USP47: variants seen among roughly 807,000 people sequenced by gnomAD.
USP47 encodes the protein ubiquitin specific peptidase 47.
Under a neutral mutation model 165.1 loss-of-function variants are expected in USP47, and 35 were observed. The ratio of observed to expected loss-of-function variants is 0.21; its 90% confidence interval spans 0.16 to 0.28. USP47 has a LOEUF of 0.28. Ranked by LOEUF, USP47 falls within the 10% of genes least tolerant of loss-of-function variation. The probability of loss-of-function intolerance (pLI) is 1.00; values close to 1 mark genes in which losing one functional copy is unlikely to be tolerated. For missense variants in USP47, 1,277 were observed against 1,607.4 expected, an observed-to-expected ratio of 0.79 and a Z score of 3.52; for synonymous variants, 531 against 544.5, an observed-to-expected ratio of 0.98 and a Z score of 0.35.
intron 17 of USP47, 32 bp downstream of exon 17, chr11:11,936,542 T>C: frequency 6.8e-7 from 1 of 1,474,160 alleles, no homozygotes; most frequent in Non-Finnish European, 9.1e-7. Flanking sequence ...TTAGTTGTTC[T>C]GTACTTAGAA....
chr11:11,919,999 T>A (rs1051802841), intron 8 of USP47, among the ~76,000 whole-genome samples, 157 bp from the exon 9 acceptor site: 4 of 151,828 alleles, frequency 2.6e-5, no homozygotes, highest in Non-Finnish European at 5.9e-5. Flanking sequence ...AGTGATAATA[T>A]TATTTTACTG....
intron 13 of USP47, 87 bp from the exon 14 acceptor site, chr11:11,930,609 A>C: frequency 9.7e-7 from 1 of 1,035,690 alleles, no homozygotes. Context: ...TTTTTTAAAA[A>C]ATCACAATTT....
chr11:11,854,011 TG>T (rs1848878645), intron 1 of USP47, among the ~76,000 whole-genome samples: 1 of 151,168 alleles, frequency 6.6e-6, no homozygotes, highest in East Asian at 2.0e-4. Flanking sequence ...GGTGGGCGCC[TG>T]TAGTCCCAGC....
intron 1 of USP47, among the ~76,000 whole-genome samples, chr11:11,868,859 G>T (rs1416665017): frequency 6.6e-6 from 1 of 151,448 alleles, no homozygotes; most frequent in Non-Finnish European, 1.5e-5. Context: ...GTATTAATTT[G>T]CATTTATCTA....
rs1356152273 is a variant in USP47, at chr11:11,905,520, A to T, written c.941A>T (p.Tyr314Phe). 1 of 1,608,258 alleles carries T rather than the reference A, an allele frequency of 6.2e-7. No individual in the cohort carries two copies. The highest frequency in any genetic ancestry group is 8.5e-7 in the Non-Finnish European group (1 of 1,176,094). ...GATATTCCATTGGTCATCCGACCTT[A>T]TGGGTCCAGCCAAGCATTTGCTAGT... ...YLDIPLVIRP[Y>F]GSSQAFASVE... The change falls in exon 8 of 28, where the codon TAT becomes TTT. Residue 314 changes from tyrosine (Y) to phenylalanine (F), a missense_variant. Tyr to Phe is a conservative substitution (Grantham distance 22, BLOSUM62 3). Around this residue, in one of 4 missense-constraint regions of USP47, gnomAD observed 175 missense variants for 295.8 expected, o/e 0.59. Transcript: ENST00000527733.
intron 25 of USP47, among the ~76,000 whole-genome samples, chr11:11,954,669 C>CAT (rs75753134): frequency 0.017 from 2,566 of 152,178 alleles, 34 homozygotes; most frequent in Middle Eastern, 0.034. Flanking sequence ...GTTTTAGAAA[C>CAT]GTGGGTGTAG....
chr11:11,868,320 C>T (rs747069300), intron 1 of USP47, among the ~76,000 whole-genome samples: 22 of 152,132 alleles, frequency 1.4e-4, no homozygotes, highest in Non-Finnish European at 1.2e-4. Flanking sequence ...TAATCCCTGG[C>T]GATCACTAAT....
Position 11,961,874 on chromosome 11 carries a change from C to T in USP47, c.*5699C>T, listed in dbSNP as rs533412406. On this transcript the variant is annotated 3_prime_UTR_variant, in exon 28 of 28. Transcript: ENST00000527733. ...CAGCAAGGTATTCAAGCACCACCTCCACCCAGCCCCTCCCACATTTCACTC... is the reference window on the plus strand; with the variant it reads ...CAGCAAGGTATTCAAGCACCACCTCTACCCAGCCCCTCCCACATTTCACTC... Among the ~76,000 whole-genome samples the T allele has an allele frequency of 6.6e-6, 1 of 152,322 alleles. No homozygotes were observed. Among genetic ancestry groups the T allele is most frequent in the African/African-American group, 2.4e-5 (1 of 41,572 alleles).
intron 17 of USP47, 34 bp downstream of exon 17, chr11:11,936,544 T>C: frequency 6.9e-7 from 1 of 1,459,574 alleles, no homozygotes; most frequent in South Asian, 1.5e-5. Flanking sequence ...AGTTGTTCTG[T>C]ACTTAGAATT....
intron 8 of USP47, among the ~76,000 whole-genome samples, chr11:11,909,958 C>T (rs1852844018): frequency 6.6e-6 from 1 of 152,170 alleles, no homozygotes; most frequent in Admixed American, 6.5e-5. Context: ...GACTCAGCCA[C>T]AGAACTCATT....
chr11:11,880,626 G>T (rs1850765065), intron 2 of USP47, among the ~76,000 whole-genome samples: 1 of 151,794 alleles, frequency 6.6e-6, no homozygotes, highest in Middle Eastern at 3.2e-3. Context: ...CATGAAAGGT[G>T]ACTCTCATAA....
In USP47 at chr11:11,930,132, C is replaced by A. The variant is rs1412935691; in HGVS notation, c.1595+12C>A. On this transcript the variant is annotated intron_variant, in intron 13 of 27. Transcript: ENST00000527733. ...AGTGCTTTCGCAAGGTAAGCAATTT[C>A]CTAATTTTCAGTGTTTAAAAGTTAG... 6.2e-7 allele frequency: 1 copy of A among 1,604,766 alleles called. No individual in the cohort carries two copies. The highest frequency in any genetic ancestry group is 2.2e-5 in the East Asian group (1 of 44,776).
At chr11:11,937,016 C>T (rs760193163) in intron 17 of USP47, among the ~76,000 whole-genome samples, 1 of 151,760 alleles carries the variant, frequency 6.6e-6, no homozygotes, top group Non-Finnish European at 1.5e-5. Flanking sequence ...TCTACAGGTC[C>T]CAGGGACTTC....
At chr11:11,853,810 T>G (rs1848863061) in intron 1 of USP47, among the ~76,000 whole-genome samples, 2 of 152,180 alleles carry the variant, frequency 1.3e-5, no homozygotes, top group African/African-American at 4.8e-5. Flanking sequence ...AGTTTTGATG[T>G]TCTTTAAAAC....
Position 11,942,833 on chromosome 11 carries a change from G to C in USP47, c.2812G>C (p.Asp938His). Reference sequence around the variant, plus strand: ...TAATGACAGGAGTACAAGTTCAGTGGACAGTGATATTCTTAGCTCCAGTCA... The same window carrying C: ...TAATGACAGGAGTACAAGTTCAGTGCACAGTGATATTCTTAGCTCCAGTCA... Reference protein sequence around the residue: ...VNNDRSTSSVDSDILSSSHSS... With the variant: ...VNNDRSTSSVHSDILSSSHSS... The change falls in exon 20 of 28, where the codon GAC becomes CAC. Residue 938 changes from aspartate to histidine, a missense_variant. By Grantham distance (81) the Asp-to-His change is moderately conservative. Around this residue, in one of 4 missense-constraint regions of USP47, gnomAD observed 909 missense variants for 1,068.1 expected, o/e 0.85. Transcript: ENST00000527733. The C allele has an allele frequency of 6.2e-7, 1 of 1,613,686 alleles. No homozygotes were observed. Among genetic ancestry groups the C allele is most frequent in the Admixed American group, 1.7e-5 (1 of 59,944 alleles).
intron 1 of USP47, among the ~76,000 whole-genome samples, chr11:11,867,619 T>G (rs1228158692): frequency 6.6e-6 from 1 of 152,208 alleles, no homozygotes; most frequent in Non-Finnish European, 1.5e-5. Context: ...ACTGATAGTT[T>G]CAATATTGAA....
At chr11:11,932,329 A>G (rs1854729763) in intron 14 of USP47, among the ~76,000 whole-genome samples, 1 of 152,106 alleles carries the variant, frequency 6.6e-6, no homozygotes, top group African/African-American at 2.4e-5. Flanking sequence ...TCAACATGAG[A>G]TTTGGGCGAG....
At chr11:11,875,077 G>GTGTGTGTGTGTGTGTT (rs1850322465) in intron 1 of USP47, among the ~76,000 whole-genome samples, 1 of 74,938 alleles carries the variant, frequency 1.3e-5, no homozygotes, top group Admixed American at 9.8e-5. Context: ...GTGTGTGTGT[G>GTGTGTGTGTGTGTGTT]TGTGTTTAAA....
At chr11:11,858,930 A>G (rs1296423802) in intron 1 of USP47, among the ~76,000 whole-genome samples, 2 of 152,066 alleles carry the variant, frequency 1.3e-5, no homozygotes, top group African/African-American at 4.8e-5. Context: ...ACACTGCCAA[A>G]CTCTTTTCTG....
Sources: gnomAD v4.1 joint callset for allele counts (sites outside exome capture counted in the v4.1 genomes callset) on GRCh38, gnomAD v4.1.1 for gene constraint, gnomAD v4.1.1 regional missense constraint, MANE v1.5 for transcripts, NCBI Gene and HGNC (gene_info 2026-07-23, HGNC 2026-07-21) for gene names.